Variants in PPFIBP2 observed in about 807,000 individuals in gnomAD.
The protein encoded by PPFIBP2 is liprin-beta-2.
A neutral mutation model predicts 118.3 loss-of-function variants in PPFIBP2; 118 were observed. The observed-to-expected ratio is 1.00, with a 90% CI of 0.86 to 1.16. The LOEUF (loss-of-function observed/expected upper bound fraction) is 1.16. Ranked by LOEUF, PPFIBP2 falls within the 50% of genes most tolerant of loss-of-function variation. PPFIBP2 has a pLI of 0.00. For synonymous variants in PPFIBP2, 414 were observed against 397.4 expected (o/e 1.04, Z -0.50); for missense variants, 1,195 against 1,073.1 (o/e 1.11, Z -1.59).
rs369225693 is a variant in PPFIBP2 at position 7,639,748 on chromosome 11, C to G, written c.1253C>G (p.Ala418Gly). Residue 418 changes from alanine (A) to glycine (G), a missense_variant, in exon 15 of 24, where the codon GCG (alanine) becomes GGG (glycine). Transcript: ENST00000299492. The part of the protein sequence containing the change: ...VLEPKDSPFL[A>G]EHKYPTLPGK... Reference sequence around the variant, plus strand: ...TTCCAATAGGACAGCCCTTTCTTGGCGGAGCACAAATATCCCACTTTACCT... The same window carrying G: ...TTCCAATAGGACAGCCCTTTCTTGGGGGAGCACAAATATCCCACTTTACCT... The G allele has an allele frequency of 1.1e-5, 18 of 1,614,036 alleles. No homozygotes were observed. In the Admixed American group the frequency reaches 1.5e-4, roughly 13 times the overall value.
intron 3 of PPFIBP2, among the ~76,000 whole-genome samples, chr11:7,573,681 C>T (rs1673104384): frequency 6.6e-6 from 1 of 152,230 alleles, no homozygotes; most frequent in African/African-American, 2.4e-5. Context: ...ACTTCCTCCA[C>T]AGCACTCTTC....
At position 7,653,430 on chromosome 11, in the gene PPFIBP2, A is replaced by C; in HGVS notation, c.*212A>C. The C allele has an allele frequency of 6.7e-7, 1 of 1,501,944 alleles. No homozygotes were observed. The highest frequency in any genetic ancestry group is 8.9e-7 in the Non-Finnish European group (1 of 1,128,490). 93.0% of individuals were successfully genotyped at this position (1,501,944 alleles called of 1,614,324 possible). On this transcript the variant is annotated 3_prime_UTR_variant, in exon 24 of 24. Transcript: ENST00000299492. ...GGCCAGGCTTTGGGGACCATTGCCA[A>C]AGGTGGACTCAGGAGGAAAGACACT...
chr11:7,520,163 C>T (rs1290053467), intron 1 of PPFIBP2, among the ~76,000 whole-genome samples: 3 of 152,194 alleles, frequency 2.0e-5, no homozygotes, highest in Non-Finnish European at 2.9e-5. Flanking sequence ...CGCCTGGGTG[C>T]AGGCAGGCTG....
At chr11:7,644,532 G>T (rs1242560912) in intron 17 of PPFIBP2, among the ~76,000 whole-genome samples, 2 of 152,106 alleles carry the variant, frequency 1.3e-5, no homozygotes, top group Non-Finnish European at 2.9e-5. Context: ...TCCAGCTTTA[G>T]GAGAGGTCCC....
In PPFIBP2 at chr11:7,543,786, T is replaced by C. The variant is rs116985025; in HGVS notation, c.-36-5654T>C. Among the ~76,000 whole-genome samples, 289 of 152,360 alleles carry C rather than the reference T, an allele frequency of 1.9e-3. 1 individual carries two copies. Among genetic ancestry groups the C allele is most frequent in the Non-Finnish European group, 3.6e-3 (248 of 68,036 alleles). On this transcript the variant is annotated intron_variant, in intron 1 of 23. Coordinates refer to ENST00000299492, the MANE Select transcript of PPFIBP2 (RefSeq NM_003621.5). The stretch of plus-strand genomic sequence containing the variant: ...AAACATGAAAGGAGTTAACACAGTA[T>C]ATAAATCACTGTTTGCCTCAGAACA...
chr11:7,517,994 T>G (rs1463445460), intron 1 of PPFIBP2, among the ~76,000 whole-genome samples: 1 of 152,184 alleles, frequency 6.6e-6, no homozygotes, highest in Non-Finnish European at 1.5e-5. Flanking sequence ...ACCAGTGGCT[T>G]TCATTGCCGT....
At position 7,537,638 on chromosome 11, in the gene PPFIBP2, C is replaced by G. The variant is rs117530803; in HGVS notation, c.-36-11802C>G. On this transcript the variant is annotated intron_variant, in intron 1 of 23. Transcript: ENST00000299492. ...GAAGGAAGGGAAAGAGCCTCCTCTC[C>G]GAAAGTTCTCTAAGTGGCTACGGTG... Among the ~76,000 whole-genome samples the G allele has an allele frequency of 1.7e-3, 252 of 152,178 alleles. 4 individuals carry two copies. The East Asian group carries it at 0.019, about 11-fold the overall frequency.
At position 7,632,926 on chromosome 11, in the gene PPFIBP2, G is replaced by T; in HGVS notation, c.1128G>T (p.Leu376=). The T allele has an allele frequency of 6.2e-7, 1 of 1,613,600 alleles. No individual in the cohort carries two copies. ...CACCTCCATTGCCACAGAAATCACT[G>T]GAAACCAGGTAAGAGGCCTGGGCAT... ...VGPPPLPQKS[L]ETRAQKKLSC... The change falls in exon 12 of 24, where the codon CTG becomes CTT. Residue 376 remains leucine, a synonymous_variant. Transcript: ENST00000299492.
chr11:7,541,751 C>T (rs1183702806), intron 1 of PPFIBP2, among the ~76,000 whole-genome samples: 1 of 152,122 alleles, frequency 6.6e-6, no homozygotes, highest in African/African-American at 2.4e-5. Context: ...GCGTAACTTC[C>T]TAGGTGTCTA....
chr11:7,627,261 C>A (rs184349659), intron 8 of PPFIBP2, among the ~76,000 whole-genome samples: 46 of 152,278 alleles, frequency 3.0e-4, no homozygotes, highest in African/African-American at 1.1e-3. Context: ...CTGCCCTCCC[C>A]AGCAAAGTGA....
At chr11:7,562,900 TAA>T (rs1400534627) in intron 2 of PPFIBP2, among the ~76,000 whole-genome samples, 2 of 146,174 alleles carry the variant, frequency 1.4e-5, no homozygotes, top group African/African-American at 5.0e-5. Flanking sequence ...AAAAGAAATA[TAA>T]GTTTCAAAGA....
At chr11:7,593,282 CCTAAGTG>C (rs1859674132) in intron 4 of PPFIBP2, 58 bp downstream of exon 4, 1 of 1,580,628 alleles carries the variant, frequency 6.3e-7, no homozygotes, top group Non-Finnish European at 8.6e-7. Context: ...TGTAGCTTCC[CCTAAGTG>C]GAAGGGAAGC....
chr11:7,655,519 C>T, downstream of PPFIBP2: 1 of 1,288,104 alleles, frequency 7.8e-7, no homozygotes. Flanking sequence ...GACCCTCTCC[C>T]CACAGTCAGA....
At chr11:7,630,077 T>C (rs778233312) in intron 10 of PPFIBP2, among the ~76,000 whole-genome samples, 1 of 152,222 alleles carries the variant, frequency 6.6e-6, no homozygotes, top group East Asian at 1.9e-4. Flanking sequence ...AGGGTTCTTA[T>C]GGGCATAGTG....
At chr11:7,573,582 GAA>G (rs1271081381) in intron 3 of PPFIBP2, among the ~76,000 whole-genome samples, 1 of 152,194 alleles carries the variant, frequency 6.6e-6, no homozygotes, top group Non-Finnish European at 1.5e-5. Flanking sequence ...CGCTTTACAG[GAA>G]AAGTCTGCCG....
At chr11:7,531,752 T>A (rs576673068) in intron 1 of PPFIBP2, among the ~76,000 whole-genome samples, 4 of 151,744 alleles carry the variant, frequency 2.6e-5, no homozygotes, top group African/African-American at 9.8e-5. Context: ...CTCACAATTA[T>A]GGAGGCCAGA....
chr11:7,653,298 C>A lies in PPFIBP2; in HGVS notation c.*80C>A, dbSNP rs761243244. The A allele has an allele frequency of 1.9e-6, 3 of 1,584,406 alleles. No homozygotes were observed. In the African/African-American group the frequency reaches 4.0e-5, roughly 21 times the overall value. On this transcript the variant is annotated 3_prime_UTR_variant, in exon 24 of 24. Transcript: ENST00000299492. The stretch of plus-strand genomic sequence containing the variant: ...TGTCACCATATAACTGCACCTCACC[C>A]CCGCACGTGTGCATGACTCGCAGAG...
chr11:7,588,269 C>G (rs574005448), intron 3 of PPFIBP2, among the ~76,000 whole-genome samples: 6 of 152,158 alleles, frequency 3.9e-5, no homozygotes, highest in Admixed American at 6.5e-5. Flanking sequence ...TATGTGGGGA[C>G]TTAACTATCC....
At chr11:7,577,409 G>A (rs1856586623) in intron 3 of PPFIBP2, 1 of 374,474 alleles carries the variant, frequency 2.7e-6, no homozygotes, top group South Asian at 2.0e-5. Context: ...GTGTCGCTGT[G>A]TGTCTGAAAC....
Sources: allele counts gnomAD v4.1 joint callset (sites outside exome capture counted in the v4.1 genomes callset), GRCh38; gene constraint gnomAD v4.1.1; transcripts MANE v1.5; gene names NCBI Gene and HGNC (gene_info 2026-07-23, HGNC 2026-07-21).